AIG1: variants seen among roughly 807,000 people sequenced by gnomAD.
AIG1 encodes the protein androgen induced 1, also known as androgen-induced gene 1 protein.
AIG1 carries 23 observed loss-of-function variants against 31.4 expected under a neutral mutation model. The observed-to-expected ratio is 0.73, with a 90% CI of 0.53 to 1.04. The LOEUF is 1.04. Ranked by LOEUF, AIG1 falls within the 50% of genes least tolerant of loss-of-function variation. AIG1 has a pLI of 0.00. For missense variants in AIG1, 274 were observed against 295.0 expected (o/e 0.93, Z 0.52); for synonymous variants, 100 against 110.5 (o/e 0.90, Z 0.60).
At chr6:143,323,409 AT>A (rs1475014753) in intron 4 of AIG1, among the ~76,000 whole-genome samples, 1 of 152,198 alleles carries the variant, frequency 6.6e-6, no homozygotes, top group African/African-American at 2.4e-5. Context: ...CTGAAAAAAA[AT>A]TGGGACAGCT....
In AIG1 at chr6:143,301,944, A is replaced by G. The variant is rs147696627; in HGVS notation, c.515+17719A>G. 6.6e-3 allele frequency among the ~76,000 whole-genome samples: 1,007 copies of G among 152,326 alleles called. 34 individuals are homozygous for G. The highest frequency in any genetic ancestry group is 0.062 in the Admixed American group (948 of 15,290). ...TGATGTCTACCAAGGTTTTCTTTTA[A>G]GCAGCTGTCCGCTAAGCTGGACTAG... On this transcript the variant is annotated intron_variant, in intron 4 of 5. Transcript: ENST00000357847.
intron 3 of AIG1, among the ~76,000 whole-genome samples, chr6:143,278,464 C>CTT (rs1008735692): frequency 9.6e-5 from 13 of 135,896 alleles, no homozygotes; most frequent in Non-Finnish European, 9.7e-5. Flanking sequence ...TTTTTCTTTT[C>CTT]TTTTTTTTTT....
chr6:143,151,642 T>G (rs1243512634), intron 2 of AIG1, among the ~76,000 whole-genome samples: 1 of 152,212 alleles, frequency 6.6e-6, no homozygotes, highest in African/African-American at 2.4e-5. Context: ...TAGTCTATTT[T>G]GAGATAATCC....
At chr6:143,161,338 C>T (rs1748601644) in intron 2 of AIG1, among the ~76,000 whole-genome samples, 1 of 151,852 alleles carries the variant, frequency 6.6e-6, no homozygotes, top group African/African-American at 2.4e-5. Context: ...TGCACAAAAC[C>T]CTTCAGAAAA....
intron 4 of AIG1, among the ~76,000 whole-genome samples, chr6:143,302,459 G>A (rs1012656742): frequency 1.3e-4 from 19 of 151,398 alleles, no homozygotes; most frequent in East Asian, 3.9e-4. Context: ...CCACCTATGA[G>A]TGAGAATATG....
chr6:143,199,755 C>T (rs576188626), intron 3 of AIG1, among the ~76,000 whole-genome samples: 6 of 152,264 alleles, frequency 3.9e-5, no homozygotes, highest in African/African-American at 1.4e-4. Flanking sequence ...TAAGATAAGG[C>T]CCCTCTCAAC....
chr6:143,227,565 A>T (rs1793088818), intron 3 of AIG1, among the ~76,000 whole-genome samples: 1 of 152,226 alleles, frequency 6.6e-6, no homozygotes, highest in Admixed American at 6.5e-5. Context: ...GGCCTAAAAT[A>T]TTCCAATAAC....
chr6:143,195,759 C>A (rs938650470), intron 3 of AIG1, among the ~76,000 whole-genome samples: 1 of 150,978 alleles, frequency 6.6e-6, no homozygotes, highest in African/African-American at 2.4e-5. Flanking sequence ...CTGGCAACGT[C>A]CTGGGCACAC....
intron 4 of AIG1, among the ~76,000 whole-genome samples, chr6:143,285,555 C>A (rs1050292345): frequency 1.3e-5 from 2 of 151,368 alleles, no homozygotes; most frequent in Non-Finnish European, 2.9e-5. Context: ...CCCACCTACT[C>A]GGGAGGCTGA....
intron 3 of AIG1, among the ~76,000 whole-genome samples, chr6:143,220,003 A>G (rs1449118502): frequency 6.6e-6 from 1 of 152,080 alleles, no homozygotes; most frequent in East Asian, 1.9e-4. Flanking sequence ...TGTGCTGCAG[A>G]TCCTCCCACC....
intron 1 of AIG1, among the ~76,000 whole-genome samples, chr6:143,098,361 G>A (rs1779974142): frequency 6.6e-6 from 1 of 152,122 alleles, no homozygotes. Context: ...CTTAAAACTT[G>A]GATTCTGGGA....
At chr6:143,294,767 C>T (rs1447353688) in intron 4 of AIG1, among the ~76,000 whole-genome samples, 2 of 152,102 alleles carry the variant, frequency 1.3e-5, no homozygotes, top group African/African-American at 2.4e-5. Context: ...CTTCCTGATA[C>T]ACTCTGTTCC....
At chr6:143,190,946 G>A (rs551538924) in intron 3 of AIG1, among the ~76,000 whole-genome samples, 2 of 152,168 alleles carry the variant, frequency 1.3e-5, no homozygotes, top group Admixed American at 6.5e-5. Flanking sequence ...AGGTTCTGAT[G>A]GATTCAGTCT....
chr6:143,118,288 G>T lies in AIG1; in HGVS notation c.142-18547G>T, dbSNP rs184674997. Among the ~76,000 whole-genome samples the T allele has an allele frequency of 2.4e-4, 37 of 152,110 alleles. No homozygotes were observed. In the East Asian group the frequency reaches 4.8e-3, roughly 20 times the overall value. Reference sequence around the variant, plus strand: ...ATCCTGGCCAACATGGTGAAACCCTGTCTCTACCAAAATACAAAAAATTAG... The same window carrying T: ...ATCCTGGCCAACATGGTGAAACCCTTTCTCTACCAAAATACAAAAAATTAG... On this transcript the variant is annotated intron_variant, in intron 1 of 5. Transcript: ENST00000357847.
chr6:143,248,432 T>A lies in AIG1; in HGVS notation c.400-35678T>A, dbSNP rs1794767040. On this transcript the variant is annotated intron_variant, in intron 3 of 5. Coordinates refer to ENST00000357847, the MANE Select transcript of AIG1 (RefSeq NM_016108.4). The stretch of plus-strand genomic sequence containing the variant: ...GGGTGTAATTAGAGACACCAAGCTA[T>A]AGCTTGTTGCTTTAAAGACTATGTC... Among the ~76,000 whole-genome samples the A allele has an allele frequency of 5.3e-5, 8 of 152,326 alleles. No homozygotes were observed. The South Asian group carries it at 1.7e-3, about 32-fold the overall frequency.
intron 2 of AIG1, among the ~76,000 whole-genome samples, chr6:143,159,161 T>C (rs1467181752): frequency 6.6e-6 from 1 of 152,214 alleles, no homozygotes; most frequent in East Asian, 1.9e-4. Flanking sequence ...GGAAGAGCAT[T>C]CCTGGCACAG....
intron 1 of AIG1, chr6:143,061,476 G>T: frequency 2.8e-6 from 1 of 351,634 alleles, no homozygotes. Flanking sequence ...CCCACCGTGG[G>T]ATGAACTTGT....
In AIG1 at chr6:143,338,477, T is replaced by C. The variant is rs959102932; in HGVS notation, c.680-1162T>C. ...GTTACCCACATTCCACCACCACTAC[T>C]CTGACAGCACAAAACATATACCAGG... On this transcript the variant is annotated intron_variant, in intron 5 of 5. Coordinates refer to ENST00000357847, the MANE Select transcript of AIG1 (RefSeq NM_016108.4). This position sits in a 1 kb window ranked among gnomAD's most constrained non-coding sequence, Gnocchi z 4.3. 4.6e-5 allele frequency: 7 copies of C among 153,118 alleles called. No individual in the cohort carries two copies. Among genetic ancestry groups the C allele is most frequent in the African/African-American group, 1.7e-4 (7 of 41,586 alleles). The allele number at this position is 153,118 out of a possible 1,614,324, so 9.5% of individuals were successfully genotyped here.
Position 143,325,545 on chromosome 6 carries a change from CCT to C in AIG1, c.516-7731_516-7730del, listed in dbSNP as rs1395115286. 6.6e-6 allele frequency among the ~76,000 whole-genome samples: 1 copy of C among 152,114 alleles called. No individual in the cohort carries two copies. Among genetic ancestry groups the C allele is most frequent in the African/African-American group, 2.4e-5 (1 of 41,418 alleles). The stretch of plus-strand genomic sequence containing the variant: ...TCAAACAGGCTCCCTTACAGCATTC[CCT>C]CTCTCAGGAAATGGCAGCTGTTTCC... On this transcript the variant is annotated intron_variant, in intron 4 of 5. Transcript: ENST00000357847. This position sits in a 1 kb window ranked among gnomAD's most constrained non-coding sequence, Gnocchi z 4.3.
Sources: gnomAD v4.1 joint callset for allele counts (sites outside exome capture counted in the v4.1 genomes callset) on GRCh38, gnomAD v4.1.1 for gene constraint, Gnocchi (gnomAD v3.1) non-coding constraint, MANE v1.5 for transcripts, NCBI Gene and HGNC (gene_info 2026-07-23, HGNC 2026-07-21) for gene names.